LINGO2: variants seen among roughly 807,000 people sequenced by gnomAD.
The protein encoded by LINGO2 is leucine-rich repeat and immunoglobulin-like domain-containing nogo receptor-interacting protein 2.
LINGO2 carries 14 observed loss-of-function variants against 30.6 expected under a neutral mutation model. The observed-to-expected ratio is 0.46, with a 90% CI of 0.30 to 0.72. LINGO2 has a LOEUF of 0.72. Among genes scored for constraint, LINGO2 ranks in the 30% least tolerant of loss-of-function variants. LINGO2 has a pLI of 0.07. For synonymous variants in LINGO2, 317 were observed against 288.5 expected (o/e 1.10, Z -1.00); for missense variants, 729 against 751.7 (o/e 0.97, Z 0.35).
chr9:28,721,916 A>G, the LINGO2 span, among the ~76,000 whole-genome samples: 2 of 152,112 alleles, frequency 1.3e-5, no homozygotes, highest in African/African-American at 2.4e-5. Context: ...TTCATTACCT[A>G]TGGAACATTT....
chr9:28,066,707 A>T (rs999478005), intron 4 of LINGO2, among the ~76,000 whole-genome samples: 1 of 152,060 alleles, frequency 6.6e-6, no homozygotes, highest in African/African-American at 2.4e-5. Context: ...ACTTAACAAG[A>T]TCTTTAAAAT....
chr9:29,178,567 A>T, the LINGO2 span, among the ~76,000 whole-genome samples: 4 of 151,316 alleles, frequency 2.6e-5, no homozygotes, highest in Admixed American at 6.6e-5. Flanking sequence ...AAAAGACAGT[A>T]AAAAAAATCA....
chr9:28,970,290 T>C, the LINGO2 span, among the ~76,000 whole-genome samples: 1 of 152,142 alleles, frequency 6.6e-6, no homozygotes, highest in African/African-American at 2.4e-5. Context: ...GGAAGACATT[T>C]CATTTGCATT....
chr9:28,373,086 T>A (rs1340537263), intron 2 of LINGO2, among the ~76,000 whole-genome samples: 3 of 152,150 alleles, frequency 2.0e-5, no homozygotes, highest in Non-Finnish European at 4.4e-5. Flanking sequence ...AATTTTGTCA[T>A]AATTTGCTTT....
chr9:28,596,124 G>A (rs1451898501), intron 1 of LINGO2, among the ~76,000 whole-genome samples: 1 of 152,124 alleles, frequency 6.6e-6, no homozygotes, highest in East Asian at 1.9e-4. Flanking sequence ...ACTTGAGAGG[G>A]AAGGATATTA....
Position 28,385,119 on chromosome 9 carries a change from C to T in LINGO2, c.-278-12251G>A, listed in dbSNP as rs575425956. ...AAAGGTGTAGCTCTAAGTTCTTGGACGCTGACCTCTAGTGAGATGCATTGA... is the reference window on the plus strand; with the variant it reads ...AAAGGTGTAGCTCTAAGTTCTTGGATGCTGACCTCTAGTGAGATGCATTGA... On this transcript the variant is annotated intron_variant, in intron 2 of 5. Transcript: ENST00000379992. Among the ~76,000 whole-genome samples, 129 of 152,202 alleles carry T rather than the reference C, an allele frequency of 8.5e-4. 4 individuals are homozygous for T. The South Asian group carries it at 0.023, about 27-fold the overall frequency.
the LINGO2 span, chr9:27,940,309 G>A: frequency 6.6e-6 from 1 of 152,122 alleles, no homozygotes; most frequent in Admixed American, 6.5e-5. Context: ...TGTAATAAGC[G>A]ATCTCCTTCC....
chr9:28,387,461 T>C (rs1442845902), intron 2 of LINGO2, among the ~76,000 whole-genome samples: 2 of 152,198 alleles, frequency 1.3e-5, no homozygotes, highest in Non-Finnish European at 1.5e-5. Flanking sequence ...AGCTGGCCAC[T>C]GGAGCCAGCA....
intron 5 of LINGO2, among the ~76,000 whole-genome samples, chr9:27,997,863 G>T (rs2210468): frequency 2.7e-5 from 4 of 149,922 alleles, no homozygotes; most frequent in African/African-American, 9.8e-5. Context: ...GTCATGTTCA[G>T]TGGAGCAGGT....
intron 4 of LINGO2, among the ~76,000 whole-genome samples, chr9:28,284,344 T>C (rs558171064): frequency 6.6e-5 from 10 of 152,304 alleles, no homozygotes; most frequent in African/African-American, 2.4e-4. Flanking sequence ...TCTTGTGATG[T>C]AGATTCTGCA....
At chr9:28,938,359 T>C in the LINGO2 span, among the ~76,000 whole-genome samples, 1 of 152,238 alleles carries the variant, frequency 6.6e-6, no homozygotes, top group African/African-American at 2.4e-5. Context: ...TTTCCAAATA[T>C]TTTAAGTTCA....
chr9:28,265,170 AAC>A (rs34681290), intron 4 of LINGO2, among the ~76,000 whole-genome samples: 34 of 149,874 alleles, frequency 2.3e-4, no homozygotes, highest in Admixed American at 8.7e-4. Context: ...ACAACAACAC[AAC>A]ACACACACAC....
chr9:28,198,934 G>A (rs1239227321), intron 4 of LINGO2, among the ~76,000 whole-genome samples: 1 of 152,170 alleles, frequency 6.6e-6, no homozygotes, highest in African/African-American at 2.4e-5. Flanking sequence ...TCTGTTGAAA[G>A]ATGTGAAAGT....
chr9:28,890,979 G>A, the LINGO2 span, among the ~76,000 whole-genome samples: 2 of 152,074 alleles, frequency 1.3e-5, no homozygotes, highest in African/African-American at 2.4e-5. Context: ...AAAGGGTAGA[G>A]TAGGTGGCTA....
At chr9:28,299,685 T>C (rs1824063488) in intron 3 of LINGO2, among the ~76,000 whole-genome samples, 2 of 152,254 alleles carry the variant, frequency 1.3e-5, no homozygotes, top group South Asian at 2.1e-4. Context: ...TATAGAGCCT[T>C]TGAAAAATGG....
chr9:28,411,536 C>T, intron 2 of LINGO2, among the ~76,000 whole-genome samples: 1 of 152,076 alleles, frequency 6.6e-6, no homozygotes, highest in East Asian at 1.9e-4. Flanking sequence ...CACCATTCTG[C>T]TCTCTGTGTC....
chr9:28,005,206 T>C (rs1269128287), intron 5 of LINGO2, among the ~76,000 whole-genome samples: 1 of 152,186 alleles, frequency 6.6e-6, no homozygotes, highest in African/African-American at 2.4e-5. Context: ...ACCAATCCAG[T>C]GGTCCTCAGC....
chr9:28,430,101 C>CGTGCGG (rs1554720059), intron 2 of LINGO2, among the ~76,000 whole-genome samples: 1 of 77,032 alleles, frequency 1.3e-5, no homozygotes, highest in Non-Finnish European at 2.5e-5. Flanking sequence ...TTTCCACGCG[C>CGTGCGG]GCGCGCGCGT....
chr9:28,019,627 T>C (rs1199766319), intron 4 of LINGO2, among the ~76,000 whole-genome samples: 1 of 152,160 alleles, frequency 6.6e-6, no homozygotes, highest in African/African-American at 2.4e-5. Flanking sequence ...TATCTTTAAG[T>C]GGTAGGGTCA....
Sources: allele counts gnomAD v4.1 joint callset (sites outside exome capture counted in the v4.1 genomes callset), GRCh38; gene constraint gnomAD v4.1.1; transcripts MANE v1.5; gene names NCBI Gene and HGNC (gene_info 2026-07-23, HGNC 2026-07-21).